NOVA1: variants seen among roughly 807,000 people sequenced by gnomAD.
The protein encoded by NOVA1 is RNA-binding protein Nova-1.
A neutral mutation model predicts 38.0 loss-of-function variants in NOVA1; 7 were observed. The ratio of observed to expected loss-of-function variants is 0.18; its 90% confidence interval spans 0.10 to 0.35. The LOEUF (loss-of-function observed/expected upper bound fraction) is 0.35. Among genes scored for constraint, NOVA1 ranks in the 10% least tolerant of loss-of-function variants. The pLI is 1.00. For missense variants in NOVA1, 460 were observed against 616.0 expected, an observed-to-expected ratio of 0.75 and a Z score of 2.68; for synonymous variants, 270 against 232.5, an observed-to-expected ratio of 1.16 and a Z score of -1.47.
intron 2 of NOVA1, among the ~76,000 whole-genome samples, chr14:26,563,114 A>G (rs1441164549): frequency 2.6e-5 from 4 of 152,094 alleles, no homozygotes; most frequent in Non-Finnish European, 5.9e-5. Flanking sequence ...TTTCAACCAA[A>G]TATGTAGCAC....
intron 2 of NOVA1, among the ~76,000 whole-genome samples, chr14:26,580,732 T>C (rs962536632): frequency 6.6e-6 from 1 of 151,832 alleles, no homozygotes; most frequent in Non-Finnish European, 1.5e-5. Context: ...AAGAAATTAT[T>C]TATATTAATT....
chr14:26,466,087 T>C (rs1884108689), intron 4 of NOVA1, among the ~76,000 whole-genome samples: 1 of 152,088 alleles, frequency 6.6e-6, no homozygotes, highest in Non-Finnish European at 1.5e-5. Flanking sequence ...GCCAAGCAGA[T>C]CTCTATGGTA....
chr14:26,518,708 T>C (rs1368180074), intron 2 of NOVA1, among the ~76,000 whole-genome samples: 3 of 152,092 alleles, frequency 2.0e-5, no homozygotes, highest in Admixed American at 6.6e-5. Context: ...TTGTTAACCA[T>C]AGTAACCCTA....
chr14:26,514,477 C>T (rs1888317411), intron 2 of NOVA1, among the ~76,000 whole-genome samples: 1 of 151,724 alleles, frequency 6.6e-6, no homozygotes, highest in East Asian at 1.9e-4. Flanking sequence ...GAGGCATTAA[C>T]TTGTTAATAT....
intron 2 of NOVA1, among the ~76,000 whole-genome samples, chr14:26,567,283 T>C: frequency 7.2e-6 from 1 of 139,146 alleles, no homozygotes; most frequent in Admixed American, 8.6e-5. Context: ...TTTAAGTGTC[T>C]TGTTTAATTT....
chr14:26,527,511 A>AT (rs1889392537), intron 2 of NOVA1, among the ~76,000 whole-genome samples: 1 of 151,858 alleles, frequency 6.6e-6, no homozygotes, highest in South Asian at 2.1e-4. Context: ...AAACAAACAA[A>AT]TAAAAAAAAA....
chr14:26,534,058 C>T (rs1889906876), intron 2 of NOVA1, among the ~76,000 whole-genome samples: 1 of 152,102 alleles, frequency 6.6e-6, no homozygotes, highest in South Asian at 2.1e-4. Flanking sequence ...AATAGAATGT[C>T]TTTAAATTCA....
In NOVA1 at chr14:26,515,405, T is replaced by C. The variant is rs528553603; in HGVS notation, c.281-35262A>G. On this transcript the variant is annotated intron_variant, in intron 2 of 4. Coordinates refer to ENST00000539517, the MANE Select transcript of NOVA1 (RefSeq NM_002515.3). ...GTGCATTACTCAAAGTTGATAACAA[T>C]TGCACAATATAAACTTTATTTTCTT... Among the ~76,000 whole-genome samples the C allele has an allele frequency of 6.6e-4, 101 of 152,128 alleles. No individual in the cohort carries two copies. In the Middle Eastern group the frequency reaches 0.014, roughly 20 times the overall value.
At chr14:26,529,334 C>A (rs1198759529) in intron 2 of NOVA1, among the ~76,000 whole-genome samples, 2 of 152,004 alleles carry the variant, frequency 1.3e-5, no homozygotes, top group African/African-American at 4.8e-5. Flanking sequence ...GACGGGGTTT[C>A]ATCATGTTGG....
intron 1 of NOVA1, chr14:26,596,548 A>G: frequency 7.8e-7 from 1 of 1,289,088 alleles, no homozygotes; most frequent in African/African-American, 1.5e-5. Flanking sequence ...TCCGTCTACA[A>G]TGCATATGCT....
chr14:26,530,413 G>A (rs1889625600), intron 2 of NOVA1, among the ~76,000 whole-genome samples: 1 of 152,236 alleles, frequency 6.6e-6, no homozygotes, highest in Admixed American at 6.5e-5. Context: ...AAAAAAGCAA[G>A]TATAATATGT....
chr14:26,587,825 G>T (rs1340587664), intron 2 of NOVA1, among the ~76,000 whole-genome samples: 1 of 150,886 alleles, frequency 6.6e-6, no homozygotes, highest in African/African-American at 2.4e-5. Flanking sequence ...CTACTATTCT[G>T]TGTTACTGAA....
At chr14:26,534,676 T>A (rs2138569172) in intron 2 of NOVA1, among the ~76,000 whole-genome samples, 1 of 152,204 alleles carries the variant, frequency 6.6e-6, no homozygotes, top group South Asian at 2.1e-4. Context: ...CACACCCTAA[T>A]CCCTAGAACC....
chr14:26,524,316 T>C (rs776158377), intron 2 of NOVA1, among the ~76,000 whole-genome samples: 1 of 152,144 alleles, frequency 6.6e-6, no homozygotes, highest in Non-Finnish European at 1.5e-5. Flanking sequence ...ACTTCTTAAA[T>C]GATGACTGTA....
At chr14:26,522,940 C>T (rs186226405) in intron 2 of NOVA1, among the ~76,000 whole-genome samples, 2 of 152,310 alleles carry the variant, frequency 1.3e-5, no homozygotes, top group East Asian at 3.9e-4. Context: ...CAACTCATCT[C>T]ATTAGATTCT....
chr14:26,523,905 CA>C (rs1889098978), intron 2 of NOVA1, among the ~76,000 whole-genome samples: 6 of 152,002 alleles, frequency 3.9e-5, no homozygotes, highest in African/African-American at 1.4e-4. Flanking sequence ...CGCCCGACAC[CA>C]TGCCCAGCTA....
intron 2 of NOVA1, among the ~76,000 whole-genome samples, chr14:26,545,984 A>G (rs149506021): frequency 3.3e-5 from 5 of 152,254 alleles, no homozygotes; most frequent in Non-Finnish European, 4.4e-5. Flanking sequence ...AAAATTTTCA[A>G]TGAATTCAAT....
chr14:26,570,174 C>T (rs1566546207), intron 2 of NOVA1, among the ~76,000 whole-genome samples: 1 of 152,142 alleles, frequency 6.6e-6, no homozygotes, highest in East Asian at 1.9e-4. Context: ...TGGTGAAACC[C>T]TGTCTCTACT....
chr14:26,516,506 T>A (rs1302187049), intron 2 of NOVA1, among the ~76,000 whole-genome samples: 1 of 152,206 alleles, frequency 6.6e-6, no homozygotes, highest in Non-Finnish European at 1.5e-5. Context: ...CATTGGCATT[T>A]AGATCTGCAA....
Sources: allele counts gnomAD v4.1 joint callset (sites outside exome capture counted in the v4.1 genomes callset), GRCh38; gene constraint gnomAD v4.1.1; transcripts MANE v1.5; gene names NCBI Gene and HGNC (gene_info 2026-07-23, HGNC 2026-07-21).